Variants in PSD3 observed in about 807,000 individuals in gnomAD.
PSD3 encodes PH and SEC7 domain-containing protein 3.
Under a neutral mutation model 105.5 loss-of-function variants are expected in PSD3, and 49 were observed. The observed-to-expected ratio is 0.46, with a 90% CI of 0.37 to 0.59. The LOEUF (loss-of-function observed/expected upper bound fraction) is 0.59, where lower values mean the gene tolerates loss of function less well. Among genes scored for constraint, PSD3 ranks in the 20% least tolerant of loss-of-function variants. PSD3 has a pLI of 0.00. For synonymous variants in PSD3, 557 were observed against 457.8 expected (o/e 1.22, Z -2.77); for missense variants, 1,561 against 1,263.8 (o/e 1.24, Z -3.57).
At chr8:18,937,919 C>T (rs367653062) in intron 1 of PSD3, among the ~76,000 whole-genome samples, 11 of 152,008 alleles carry the variant, frequency 7.2e-5, no homozygotes, top group African/African-American at 2.4e-4. Flanking sequence ...GAAGGCCATA[C>T]GCATGGCCTT....
intron 9 of PSD3, among the ~76,000 whole-genome samples, chr8:18,732,486 T>C (rs1027044382): frequency 1.3e-5 from 2 of 152,236 alleles, no homozygotes; most frequent in African/African-American, 2.4e-5. Flanking sequence ...CTCAACCCCA[T>C]GTGCTAATGG....
intron 9 of PSD3, chr8:18,763,068 C>T (rs1293056601): frequency 2.0e-6 from 1 of 491,330 alleles, no homozygotes; most frequent in African/African-American, 2.0e-5. Flanking sequence ...TTTCCAGCTA[C>T]AAAATGACAT....
chr8:18,889,483 G>A (rs1818650017), intron 2 of PSD3, among the ~76,000 whole-genome samples: 1 of 152,042 alleles, frequency 6.6e-6, no homozygotes, highest in Admixed American at 6.6e-5. Flanking sequence ...GGACAACTGG[G>A]GGCCATCCCT....
chr8:18,866,897 C>T, intron 4 of PSD3, among the ~76,000 whole-genome samples: 1 of 151,400 alleles, frequency 6.6e-6, no homozygotes, highest in Non-Finnish European at 1.5e-5. Context: ...CATACATACA[C>T]ACACACACAC....
chr8:18,805,963 T>C (rs1811158754), intron 4 of PSD3, among the ~76,000 whole-genome samples: 1 of 152,212 alleles, frequency 6.6e-6, no homozygotes, highest in African/African-American at 2.4e-5. Flanking sequence ...AAAATGACAT[T>C]CAATGAAAAA....
intron 1 of PSD3, among the ~76,000 whole-genome samples, chr8:19,068,285 T>C (rs1389436280): frequency 1.3e-5 from 2 of 150,222 alleles, no homozygotes; most frequent in Non-Finnish European, 3.0e-5. Context: ...CTACTCTTCC[T>C]CCTCTTTTTT....
chr8:18,692,898 T>C (rs1801048841), intron 9 of PSD3, among the ~76,000 whole-genome samples: 5 of 152,174 alleles, frequency 3.3e-5, no homozygotes. Flanking sequence ...CAATTAAAAT[T>C]CAAACTTTAA....
chr8:18,760,491 C>T (rs570099455), intron 9 of PSD3, among the ~76,000 whole-genome samples: 3 of 152,082 alleles, frequency 2.0e-5, no homozygotes, highest in Admixed American at 1.3e-4. Context: ...TGAGATCATG[C>T]GGTATTTGTC....
rs555668963 is a variant in PSD3 at position 18,717,477 on chromosome 8, T to C, written c.2172+47972A>G. On this transcript the variant is annotated intron_variant, in intron 9 of 15. Coordinates refer to ENST00000327040, the MANE Select transcript of PSD3 (RefSeq NM_015310.4). ...GAATGTTCTAATTTGCTTTTCTTTA[T>C]ACAATGTTAATGTTGCAAGCTTTTG... Among the ~76,000 whole-genome samples, 13 of 152,304 alleles carry C rather than the reference T, an allele frequency of 8.5e-5. No individual in the cohort carries two copies. The South Asian group carries it at 2.7e-3, about 32-fold the overall frequency.
At chr8:18,692,223 G>C (rs551407447) in intron 9 of PSD3, among the ~76,000 whole-genome samples, 1 of 152,250 alleles carries the variant, frequency 6.6e-6, no homozygotes, top group Admixed American at 6.5e-5. Context: ...TGCAAATCCA[G>C]AGAGATTCCT....
intron 9 of PSD3, among the ~76,000 whole-genome samples, chr8:18,712,256 A>G (rs1802299997): frequency 1.3e-5 from 2 of 152,160 alleles, no homozygotes; most frequent in South Asian, 4.2e-4. Flanking sequence ...CCCGCAGAAG[A>G]CAAGATATGA....
At chr8:18,556,405 CA>C (rs1413116101) in intron 14 of PSD3, 53 bp from the exon 15 acceptor site, 2 of 1,548,206 alleles carry the variant, frequency 1.3e-6, no homozygotes, top group Non-Finnish European at 1.8e-6. Flanking sequence ...AAGTCAATAA[CA>C]AAGCACAGCA....
chr8:18,762,664 CAA>C (rs754860025), intron 9 of PSD3, among the ~76,000 whole-genome samples: 5 of 152,122 alleles, frequency 3.3e-5, no homozygotes, highest in Non-Finnish European at 7.4e-5. Flanking sequence ...TTTGAGTAAA[CAA>C]CGAAAGCTGC....
At chr8:19,028,299 C>CCCCCCCCCTT (rs1563517980) in intron 1 of PSD3, among the ~76,000 whole-genome samples, 1 of 96,182 alleles carries the variant, frequency 1.0e-5, no homozygotes, top group African/African-American at 4.2e-5. Context: ...CCGGCCCACC[C>CCCCCCCCCTT]TTTTTTTTTT....
intron 2 of PSD3, among the ~76,000 whole-genome samples, chr8:18,880,758 T>C (rs186202093): frequency 1.4e-3 from 207 of 152,318 alleles, no homozygotes; most frequent in Non-Finnish European, 2.3e-3. Context: ...ACTGAAAACA[T>C]TTCCCCTCCA....
chr8:18,840,079 C>T (rs1814490945), intron 4 of PSD3, among the ~76,000 whole-genome samples: 1 of 152,142 alleles, frequency 6.6e-6, no homozygotes, highest in South Asian at 2.1e-4. Flanking sequence ...TTTAAGAATC[C>T]TAATGCTGAT....
intron 4 of PSD3, among the ~76,000 whole-genome samples, chr8:18,857,487 C>G (rs1278669719): frequency 6.6e-6 from 1 of 152,192 alleles, no homozygotes; most frequent in Non-Finnish European, 1.5e-5. Flanking sequence ...GCTTTTAAAG[C>G]TATCCATGTC....
intron 15 of PSD3, among the ~76,000 whole-genome samples, 157 bp downstream of exon 15, chr8:18,556,052 C>G (rs1190361355): frequency 6.6e-6 from 1 of 152,208 alleles, no homozygotes; most frequent in Non-Finnish European, 1.5e-5. Context: ...GAATCACAAA[C>G]AAGAGGGGCC....
intron 1 of PSD3, among the ~76,000 whole-genome samples, chr8:19,055,736 A>G (rs1207506053): frequency 6.6e-6 from 1 of 152,222 alleles, no homozygotes; most frequent in African/African-American, 2.4e-5. Context: ...GTGCACTGAA[A>G]TGTCAAACCT....
Sources: gnomAD v4.1 joint callset for allele counts (sites outside exome capture counted in the v4.1 genomes callset) on GRCh38, gnomAD v4.1.1 for gene constraint, MANE v1.5 for transcripts, NCBI Gene and HGNC (gene_info 2026-07-23, HGNC 2026-07-21) for gene names.